GALNT11: variants seen among roughly 807,000 people sequenced by gnomAD.
GALNT11 encodes the protein polypeptide N-acetylgalactosaminyltransferase 11.
A neutral mutation model predicts 72.7 loss-of-function variants in GALNT11; 47 were observed. That is an observed-to-expected ratio of 0.65 (90% CI 0.51 to 0.82). The LOEUF (loss-of-function observed/expected upper bound fraction) is 0.82. GALNT11 is among the 40% of genes least tolerant of loss of function. The pLI is 0.00. For missense variants in GALNT11, 677 were observed against 778.4 expected, an observed-to-expected ratio of 0.87 and a Z score of 1.55; for synonymous variants, 270 against 286.6, an observed-to-expected ratio of 0.94 and a Z score of 0.58.
chr7:152,103,277 T>C lies in GALNT11; in HGVS notation c.585T>C (p.Phe195=), dbSNP rs766897602. ...TCCTTGTGGATGATGATAGTGACTT[T>C]GGTAAGGAATGCTGCACCTGGTAAC... The part of the protein sequence containing the change: ...EIILVDDDSD[F]DDLKGELDEY... Residue 195 remains phenylalanine, a splice_region_variant and synonymous_variant, in exon 4 of 12, where the codon TTT becomes TTC. Transcript: ENST00000430044. 1 of 1,611,820 alleles carries C rather than the reference T, an allele frequency of 6.2e-7. No individual in the cohort carries two copies. Among genetic ancestry groups the C allele is most frequent in the South Asian group, 1.1e-5 (1 of 90,994 alleles).
At chr7:152,065,893 C>T (rs768462887) in intron 1 of GALNT11, among the ~76,000 whole-genome samples, 14 of 152,216 alleles carry the variant, frequency 9.2e-5, no homozygotes, top group Non-Finnish European at 1.8e-4. Flanking sequence ...GGGTCAGGGA[C>T]TCACTTGAGG....
At chr7:152,112,264 T>A (rs1247457202) in intron 7 of GALNT11, among the ~76,000 whole-genome samples, 1 of 152,108 alleles carries the variant, frequency 6.6e-6, no homozygotes, top group African/African-American at 2.4e-5. Flanking sequence ...TTTGGCTGGG[T>A]CCATGGTGGC....
intron 1 of GALNT11, among the ~76,000 whole-genome samples, chr7:152,073,431 C>T (rs1007513812): frequency 6.6e-6 from 1 of 152,204 alleles, no homozygotes; most frequent in African/African-American, 2.4e-5. Flanking sequence ...GCTTATTTCA[C>T]TTAATATCCT....
chr7:152,051,585 T>C (rs1258408461), intron 1 of GALNT11, among the ~76,000 whole-genome samples: 1 of 152,168 alleles, frequency 6.6e-6, no homozygotes, highest in Non-Finnish European at 1.5e-5. Context: ...ATTTGGAATA[T>C]GCTTTTCATA....
intron 1 of GALNT11, among the ~76,000 whole-genome samples, chr7:152,050,826 G>A (rs1476900793): frequency 6.6e-6 from 1 of 152,208 alleles, no homozygotes; most frequent in Non-Finnish European, 1.5e-5. Flanking sequence ...ATTCCCCTCT[G>A]GCTACAGCTC....
At chr7:152,062,326 A>G (rs2084065598) in intron 1 of GALNT11, among the ~76,000 whole-genome samples, 1 of 152,186 alleles carries the variant, frequency 6.6e-6, no homozygotes, top group South Asian at 2.1e-4. Context: ...GTATCCTAAG[A>G]CTTTGCTGAA....
chr7:152,121,024 AGGGAGTG>A, intron 11 of GALNT11, 56 bp downstream of exon 11: 1 of 1,578,636 alleles, frequency 6.3e-7, no homozygotes, highest in Admixed American at 1.9e-5. Context: ...AGGTTGAGTG[AGGGAGTG>A]TGGCAGATGA....
At chr7:152,047,747 AAG>A in intron 1 of GALNT11, among the ~76,000 whole-genome samples, 1 of 151,890 alleles carries the variant, frequency 6.6e-6, no homozygotes, top group African/African-American at 2.4e-5. Context: ...ATATATAAAT[AAG>A]TAAATAAATA....
intron 1 of GALNT11, among the ~76,000 whole-genome samples, chr7:152,078,931 G>C (rs778367693): frequency 6.6e-6 from 1 of 152,156 alleles, no homozygotes; most frequent in Non-Finnish European, 1.5e-5. Flanking sequence ...GGGCAGTCAG[G>C]GGGCAGAGCC....
At chr7:152,092,288 A>G (rs1375003437) in intron 1 of GALNT11, among the ~76,000 whole-genome samples, 2 of 152,134 alleles carry the variant, frequency 1.3e-5, no homozygotes, top group African/African-American at 4.8e-5. Context: ...AAAGTTGCAC[A>G]TTGCAATTTT....
chr7:152,030,310 C>T (rs150339502), intron 1 of GALNT11, among the ~76,000 whole-genome samples: 135 of 152,210 alleles, frequency 8.9e-4, no homozygotes, highest in Non-Finnish European at 1.6e-3. Flanking sequence ...TGGCCCTGTC[C>T]GAGCATAACA....
intron 4 of GALNT11, chr7:152,104,755 G>A (rs1306137662): frequency 1.3e-5 from 2 of 152,206 alleles, no homozygotes; most frequent in African/African-American, 4.8e-5. Flanking sequence ...TTGGAAGAAA[G>A]ATGCTAAATT....
At chr7:152,093,023 G>C (rs2086140420) in intron 1 of GALNT11, among the ~76,000 whole-genome samples, 1 of 152,190 alleles carries the variant, frequency 6.6e-6, no homozygotes, top group Non-Finnish European at 1.5e-5. Flanking sequence ...GAGGTCAGGA[G>C]TTTGAGAGCA....
intron 1 of GALNT11, among the ~76,000 whole-genome samples, chr7:152,086,047 C>T (rs926647772): frequency 6.6e-6 from 1 of 152,024 alleles, no homozygotes; most frequent in Non-Finnish European, 1.5e-5. Context: ...GCCACCATGC[C>T]CAGCTAATTT....
At chr7:152,093,324 A>C (rs570878098) in intron 1 of GALNT11, among the ~76,000 whole-genome samples, 1 of 152,270 alleles carries the variant, frequency 6.6e-6, no homozygotes, top group South Asian at 2.1e-4. Context: ...GAATATAATT[A>C]CTTGAACTCT....
intron 9 of GALNT11, chr7:152,117,603 T>C (rs957264192): frequency 1.6e-5 from 9 of 568,720 alleles, no homozygotes; most frequent in Middle Eastern, 4.5e-4. Flanking sequence ...GAGGGTAAGT[T>C]ATGTGACGCT....
intron 1 of GALNT11, among the ~76,000 whole-genome samples, chr7:152,092,646 T>C (rs921137333): frequency 2.0e-5 from 3 of 152,248 alleles, no homozygotes; most frequent in Non-Finnish European, 4.4e-5. Context: ...TCTAGGCTTA[T>C]GGCATAACCT....
Position 152,064,198 on chromosome 7 carries a change from C to G in GALNT11, c.-38-29992C>G, listed in dbSNP as rs1030885164. On this transcript the variant is annotated intron_variant, in intron 1 of 11. Coordinates refer to ENST00000430044, the MANE Select transcript of GALNT11 (RefSeq NM_022087.4). The stretch of plus-strand genomic sequence containing the variant: ...TTAGCTCTTCTTGTTGAATTGATCC[C>G]TTTACCGTTATGTGATGGCCTTGTC... Among the ~76,000 whole-genome samples, 12 of 152,278 alleles carry G rather than the reference C, an allele frequency of 7.9e-5. No individual in the cohort carries two copies. In the East Asian group the frequency reaches 2.3e-3, roughly 29 times the overall value.
chr7:152,037,309 T>C (rs1007515794), intron 1 of GALNT11, among the ~76,000 whole-genome samples: 1 of 152,238 alleles, frequency 6.6e-6, no homozygotes, highest in Non-Finnish European at 1.5e-5. Flanking sequence ...CACCATTTAT[T>C]GAAGAGACTC....
Sources: gnomAD v4.1 joint callset for allele counts (sites outside exome capture counted in the v4.1 genomes callset) on GRCh38, gnomAD v4.1.1 for gene constraint, MANE v1.5 for transcripts, NCBI Gene and HGNC (gene_info 2026-07-23, HGNC 2026-07-21) for gene names.